Variants in CMSS1 observed in about 807,000 individuals in gnomAD.
CMSS1 encodes the protein cms1 ribosomal small subunit homolog, also known as protein CMSS1.
CMSS1 carries 33 observed loss-of-function variants against 43.5 expected under a neutral mutation model. That is an observed-to-expected ratio of 0.76 (90% CI 0.57 to 1.01). CMSS1 has a LOEUF of 1.01. Ranked by LOEUF, CMSS1 falls within the 50% of genes least tolerant of loss-of-function variation. The probability of loss-of-function intolerance (pLI) is 0.00; values close to 1 mark genes in which losing one functional copy is unlikely to be tolerated. For missense variants in CMSS1, 313 were observed against 326.4 expected (o/e 0.96, Z 0.32); for synonymous variants, 115 against 117.2 (o/e 0.98, Z 0.12).
At chr3:100,094,959 A>ATTG (rs2066178992) in intron 1 of CMSS1, among the ~76,000 whole-genome samples, 1 of 152,040 alleles carries the variant, frequency 6.6e-6, no homozygotes, top group Non-Finnish European at 1.5e-5. Context: ...AAGTGCTGGG[A>ATTG]TTACAGGAGT....
chr3:99,986,968 C>T (rs1709359389), intron 1 of CMSS1, among the ~76,000 whole-genome samples: 1 of 152,114 alleles, frequency 6.6e-6, no homozygotes, highest in Non-Finnish European at 1.5e-5. Flanking sequence ...GTGGCTCATG[C>T]CTATAATCCT....
intron 1 of CMSS1, chr3:100,041,270 T>C (rs1575978096): frequency 6.6e-6 from 1 of 152,326 alleles, no homozygotes; most frequent in Non-Finnish European, 1.5e-5. Context: ...TGGCTTTTTA[T>C]GGCTGGTTTG....
intron 1 of CMSS1, among the ~76,000 whole-genome samples, chr3:99,888,749 A>G (rs929036939): frequency 3.3e-5 from 5 of 152,220 alleles, no homozygotes; most frequent in African/African-American, 1.2e-4. Context: ...TCTTCCAGCA[A>G]AAGAAATTCT....
intron 1 of CMSS1, among the ~76,000 whole-genome samples, chr3:99,821,746 G>C (rs1049536337): frequency 1.3e-5 from 2 of 152,124 alleles, no homozygotes; most frequent in South Asian, 2.1e-4. Context: ...TTAAGGAAGA[G>C]AGCCAAGGGA....
chr3:100,166,636 A>G (rs1323413151), intron 5 of CMSS1, among the ~76,000 whole-genome samples: 1 of 152,174 alleles, frequency 6.6e-6, no homozygotes, highest in Non-Finnish European at 1.5e-5. Flanking sequence ...GGACTATGTG[A>G]TATGTGTTCC....
At chr3:99,877,049 C>G (rs1478699650) in intron 1 of CMSS1, among the ~76,000 whole-genome samples, 2 of 152,142 alleles carry the variant, frequency 1.3e-5, no homozygotes, top group Non-Finnish European at 2.9e-5. Context: ...ATATTATCCT[C>G]TAGTATGGGG....
chr3:100,050,876 T>C (rs2065359652), intron 1 of CMSS1, among the ~76,000 whole-genome samples: 1 of 152,104 alleles, frequency 6.6e-6, no homozygotes, highest in African/African-American at 2.4e-5. Flanking sequence ...GGAAGATAAC[T>C]CTGTGAGACA....
chr3:99,981,241 C>T (rs1190311213), intron 1 of CMSS1, among the ~76,000 whole-genome samples: 1 of 152,150 alleles, frequency 6.6e-6, no homozygotes, highest in East Asian at 1.9e-4. Context: ...GCTTCCACTA[C>T]CCCAATGCTA....
intron 1 of CMSS1, among the ~76,000 whole-genome samples, chr3:99,842,805 T>C (rs1363289870): frequency 6.6e-6 from 1 of 152,214 alleles, no homozygotes; most frequent in Non-Finnish European, 1.5e-5. Context: ...CCTGATGGAA[T>C]GTTGACAGAT....
rs141162097 is a variant in CMSS1 at position 100,038,552 on chromosome 3, G to C, written c.65-108421G>C. ...ATTAACAAACATTGTAATTGCAAAA[G>C]ATTGGAAATAACCTAAATGTACTTT... is the stretch of plus-strand genomic sequence containing the variant. On this transcript the variant is annotated intron_variant, in intron 1 of 9. Coordinates refer to ENST00000421999, the MANE Select transcript of CMSS1 (RefSeq NM_032359.4). Among the ~76,000 whole-genome samples the C allele has an allele frequency of 4.2e-3, 637 of 152,284 alleles. 4 individuals are homozygous for C. The highest frequency in any genetic ancestry group is 0.015 in the African/African-American group (608 of 41,550).
At chr3:99,834,782 C>T (rs977027074) in intron 1 of CMSS1, among the ~76,000 whole-genome samples, 2 of 152,178 alleles carry the variant, frequency 1.3e-5, no homozygotes, top group Non-Finnish European at 2.9e-5. Flanking sequence ...GAGCACAAGC[C>T]GTGGAGCCAG....
chr3:99,828,088 G>C (rs1942569855), intron 1 of CMSS1, among the ~76,000 whole-genome samples: 1 of 152,130 alleles, frequency 6.6e-6, no homozygotes. Context: ...TTTTCCCAAG[G>C]TATTTTGTTT....
At chr3:99,914,720 C>A (rs1346538609) in intron 1 of CMSS1, among the ~76,000 whole-genome samples, 1 of 152,138 alleles carries the variant, frequency 6.6e-6, no homozygotes, top group Non-Finnish European at 1.5e-5. Context: ...TATAAGAATT[C>A]TAAAACAATA....
At chr3:99,951,189 C>A (rs1473498759) in intron 1 of CMSS1, among the ~76,000 whole-genome samples, 2 of 152,230 alleles carry the variant, frequency 1.3e-5, no homozygotes, top group African/African-American at 4.8e-5. Context: ...TCCCACTTAG[C>A]CTTCAGCCCT....
chr3:99,821,433 A>AT (rs1478637178), intron 1 of CMSS1, among the ~76,000 whole-genome samples: 2 of 152,218 alleles, frequency 1.3e-5, no homozygotes, highest in Non-Finnish European at 2.9e-5. Flanking sequence ...ATGGCCCAAC[A>AT]TAAGACAGCT....
intron 1 of CMSS1, chr3:99,849,641 G>A: frequency 6.2e-7 from 1 of 1,613,336 alleles, no homozygotes; most frequent in Non-Finnish European, 8.5e-7. Context: ...ATTTTAACAT[G>A]TTCTAGCTCT....
chr3:100,095,953 T>C (rs180885075), intron 1 of CMSS1, among the ~76,000 whole-genome samples: 5 of 152,162 alleles, frequency 3.3e-5, no homozygotes, highest in African/African-American at 4.8e-5. Flanking sequence ...ATTTAAAAAA[T>C]AGGCATAAGA....
intron 1 of CMSS1, chr3:99,929,826 C>A (rs181364409): frequency 1.5e-5 from 23 of 1,548,578 alleles, no homozygotes; most frequent in Non-Finnish European, 1.8e-5. Context: ...TGGCTGCCTC[C>A]CAGGTACACA....
At chr3:100,139,776 G>C (rs1162045203) in intron 1 of CMSS1, among the ~76,000 whole-genome samples, 1 of 135,884 alleles carries the variant, frequency 7.4e-6, no homozygotes, top group African/African-American at 2.8e-5. Flanking sequence ...CAGCCTGGGC[G>C]ACGAGAGCAA....
Sources: allele counts gnomAD v4.1 joint callset (sites outside exome capture counted in the v4.1 genomes callset), GRCh38; gene constraint gnomAD v4.1.1; transcripts MANE v1.5; gene names NCBI Gene and HGNC (gene_info 2026-07-23, HGNC 2026-07-21).